TBC1D9: variants seen among roughly 807,000 people sequenced by gnomAD.
The protein encoded by TBC1D9 is TBC1 domain family member 9A.
A neutral mutation model predicts 132.0 loss-of-function variants in TBC1D9; 63 were observed. The ratio of observed to expected loss-of-function variants is 0.48; its 90% confidence interval spans 0.39 to 0.59. The LOEUF (loss-of-function observed/expected upper bound fraction) is 0.59, where lower values mean the gene tolerates loss of function less well. Ranked by LOEUF, TBC1D9 falls within the 20% of genes least tolerant of loss-of-function variation. The pLI is 0.00. For missense variants in TBC1D9, 1,261 were observed against 1,592.7 expected (o/e 0.79, Z 3.54); for synonymous variants, 610 against 609.9 (o/e 1.00, Z 0.00).
At chr4:140,650,515 G>T (rs1358647454) in intron 13 of TBC1D9, among the ~76,000 whole-genome samples, 5 of 152,096 alleles carry the variant, frequency 3.3e-5, no homozygotes, top group Non-Finnish European at 7.4e-5. Flanking sequence ...TTGTAATTCT[G>T]CTCTAGAGTA....
At chr4:140,658,544 A>T (rs193218154) in intron 11 of TBC1D9, among the ~76,000 whole-genome samples, 8 of 152,288 alleles carry the variant, frequency 5.3e-5, no homozygotes, top group African/African-American at 7.2e-5. Flanking sequence ...TAATTAAAAA[A>T]AATAATAATA....
intron 5 of TBC1D9, among the ~76,000 whole-genome samples, chr4:140,677,998 T>C (rs1737650839): frequency 6.7e-6 from 1 of 148,508 alleles, no homozygotes; most frequent in Admixed American, 6.8e-5. Context: ...TTTGATACTA[T>C]GTTCAAATCT....
chr4:140,626,976 A>G (rs1736719209), intron 18 of TBC1D9, among the ~76,000 whole-genome samples: 1 of 152,256 alleles, frequency 6.6e-6, no homozygotes, highest in South Asian at 2.1e-4. Context: ...TTTAAAAACC[A>G]TTTAAAAATG....
chr4:140,695,476 G>T (rs974167708), intron 2 of TBC1D9, among the ~76,000 whole-genome samples: 1 of 152,156 alleles, frequency 6.6e-6, no homozygotes, highest in African/African-American at 2.4e-5. Flanking sequence ...TCCTCTCCAC[G>T]CTTTCCTTTA....
chr4:140,641,465 G>A (rs1238870772), intron 13 of TBC1D9, among the ~76,000 whole-genome samples: 1 of 151,998 alleles, frequency 6.6e-6, no homozygotes, highest in African/African-American at 2.4e-5. Flanking sequence ...ATAAAGTTTG[G>A]TATTATCAAA....
chr4:140,719,947 A>G (rs1388262823), intron 1 of TBC1D9, among the ~76,000 whole-genome samples: 1 of 152,232 alleles, frequency 6.6e-6, no homozygotes, highest in Non-Finnish European at 1.5e-5. Flanking sequence ...TCCTAGGGTC[A>G]TGACCTTGGG....
chr4:140,750,096 A>G (rs1560904299), intron 1 of TBC1D9, among the ~76,000 whole-genome samples: 1 of 152,020 alleles, frequency 6.6e-6, no homozygotes, highest in Non-Finnish European at 1.5e-5. Context: ...CAAACTAGGA[A>G]TAAGAACTCC....
chr4:140,653,229 C>T (rs6819228), intron 13 of TBC1D9, among the ~76,000 whole-genome samples: 69,123 of 152,050 alleles, frequency 0.45, 15,880 homozygotes, highest in Middle Eastern at 0.53. Context: ...TTCTAGCAAC[C>T]TAGGGAGCCC....
intron 13 of TBC1D9, chr4:140,643,480 G>T: frequency 1.1e-6 from 1 of 885,982 alleles, no homozygotes; most frequent in Non-Finnish European, 1.9e-6. Flanking sequence ...GTGCTGCCGG[G>T]CACAGGCACG....
chr4:140,687,321 ATGTGTG>A lies in TBC1D9; in HGVS notation c.242-865_242-860del, dbSNP rs138113974. On this transcript the variant is annotated intron_variant, in intron 2 of 20. Transcript: ENST00000442267. ...ATATATATGTGTGCCATATATATAT[ATGTGTG>A]TGTGTGTGTGTGTGTCATATATATA... 3.5e-3 allele frequency among the ~76,000 whole-genome samples: 340 copies of A among 97,400 alleles called. 5 individuals are homozygous for A. The highest frequency in any genetic ancestry group is 0.012 in the African/African-American group (319 of 26,310). The allele number at this position is 97,400 out of a possible 152,430, so 63.9% of individuals were successfully genotyped here.
intron 16 of TBC1D9, among the ~76,000 whole-genome samples, chr4:140,630,427 G>T (rs1214635478): frequency 6.6e-6 from 1 of 152,148 alleles, no homozygotes; most frequent in African/African-American, 2.4e-5. Context: ...AACCTTCTCG[G>T]ACCCCTGCTG....
Position 140,742,888 on chromosome 4 carries a change from CAGGAGGAGGAGG to C in TBC1D9, c.130+13016_130+13027del, listed in dbSNP as rs78912702. Among the ~76,000 whole-genome samples the C allele has an allele frequency of 2.6e-4, 39 of 150,390 alleles. 1 individual carries two copies. The highest frequency in any genetic ancestry group is 7.8e-4 in the African/African-American group (32 of 41,006). ...GCAGGGGCAGGGGAGAGAGGAGGAGCAGGAGGAGGAGGAGGAGGAGGAGAAAGAGAAAGAAAG... is the reference window on the plus strand; with the variant it reads ...GCAGGGGCAGGGGAGAGAGGAGGAGCAGGAGGAGGAGAAAGAGAAAGAAAG... On this transcript the variant is annotated intron_variant, in intron 1 of 20. Transcript: ENST00000442267.
intron 3 of TBC1D9, among the ~76,000 whole-genome samples, chr4:140,683,281 G>C (rs1339142560): frequency 6.6e-6 from 1 of 152,158 alleles, no homozygotes; most frequent in Non-Finnish European, 1.5e-5. Flanking sequence ...CTAGTATCAA[G>C]AGACAAGGCT....
chr4:140,627,619 G>C, intron 17 of TBC1D9, 92 bp from the exon 18 acceptor site: 2 of 857,100 alleles, frequency 2.3e-6, no homozygotes, highest in Non-Finnish European at 1.9e-6. Flanking sequence ...CATAAGTGGG[G>C]ATGAAAAGCT....
intron 1 of TBC1D9, among the ~76,000 whole-genome samples, chr4:140,713,584 A>G (rs1423078701): frequency 6.6e-6 from 1 of 151,892 alleles, no homozygotes; most frequent in East Asian, 1.9e-4. Context: ...AAAAAATATT[A>G]AAAATTAAGC....
chr4:140,629,685 A>G (rs1736761784), intron 16 of TBC1D9, among the ~76,000 whole-genome samples: 1 of 152,218 alleles, frequency 6.6e-6, no homozygotes, highest in East Asian at 1.9e-4. Flanking sequence ...TGAGTTCAGA[A>G]GCCTCTTGAC....
chr4:140,631,324 G>A (rs1165998291), intron 16 of TBC1D9, among the ~76,000 whole-genome samples: 1 of 152,036 alleles, frequency 6.6e-6, no homozygotes, highest in Non-Finnish European at 1.5e-5. Flanking sequence ...CCGGGTTCAA[G>A]CGATTCTCCT....
At chr4:140,701,151 T>C in intron 2 of TBC1D9, among the ~76,000 whole-genome samples, 1 of 152,052 alleles carries the variant, frequency 6.6e-6, no homozygotes, top group East Asian at 1.9e-4. Context: ...TAAGTGTGAG[T>C]GAAATGGAAG....
chr4:140,725,010 C>A (rs1738476425), intron 1 of TBC1D9, among the ~76,000 whole-genome samples: 1 of 152,130 alleles, frequency 6.6e-6, no homozygotes, highest in South Asian at 2.1e-4. Flanking sequence ...CAATACCTAT[C>A]AAAATTGCAA....
Sources: allele counts gnomAD v4.1 joint callset (sites outside exome capture counted in the v4.1 genomes callset), GRCh38; gene constraint gnomAD v4.1.1; transcripts MANE v1.5; gene names NCBI Gene and HGNC (gene_info 2026-07-23, HGNC 2026-07-21).